The following SIRPG variants were observed in gnomAD, a reference collection of about 807,000 sequenced individuals.
The protein encoded by SIRPG is signal-regulatory protein gamma.
A neutral mutation model predicts 35.7 loss-of-function variants in SIRPG; 38 were observed. The observed-to-expected ratio is 1.06, with a 90% CI of 0.82 to 1.40. The LOEUF (loss-of-function observed/expected upper bound fraction) is 1.40, where lower values mean the gene tolerates loss of function less well. Among genes scored for constraint, SIRPG ranks in the 40% most tolerant of loss-of-function variants. The pLI, the probability that SIRPG is intolerant of heterozygous loss-of-function variation, is 0.00. For missense variants in SIRPG, 519 were observed against 483.0 expected, an observed-to-expected ratio of 1.07 and a Z score of -0.70; for synonymous variants, 215 against 190.4, an observed-to-expected ratio of 1.13 and a Z score of -1.06.
the SIRPG span, chr20:1,666,555 A>C: frequency 6.6e-6 from 1 of 152,248 alleles, no homozygotes; most frequent in Non-Finnish European, 1.5e-5. Context: ...GAGCAGGTGA[A>C]AACTGTCATA....
intron 3 of SIRPG, among the ~76,000 whole-genome samples, chr20:1,635,884 G>A (rs140134011): frequency 0.01 from 1,582 of 152,280 alleles, 32 homozygotes; most frequent in African/African-American, 0.035. Context: ...AAGAACTGTA[G>A]CAAAATCAGT....
At chr20:1,667,310 A>G in the SIRPG span, among the ~76,000 whole-genome samples, 1 of 152,216 alleles carries the variant, frequency 6.6e-6, no homozygotes, top group Non-Finnish European at 1.5e-5. Flanking sequence ...CATATGGCCT[A>G]GGTGTGTAGT....
chr20:1,640,989 T>C (rs369154448), intron 2 of SIRPG, among the ~76,000 whole-genome samples: 1 of 152,210 alleles, frequency 6.6e-6, no homozygotes, highest in Non-Finnish European at 1.5e-5. Context: ...AACTTTTTGA[T>C]GTGCTGCGGG....
intron 2 of SIRPG, among the ~76,000 whole-genome samples, chr20:1,645,839 T>A (rs2091893829): frequency 6.6e-6 from 1 of 152,088 alleles, no homozygotes; most frequent in Admixed American, 6.5e-5. Context: ...TCTGTGCACA[T>A]CCTCTCCGAT....
the SIRPG span, among the ~76,000 whole-genome samples, chr20:1,674,565 C>T: frequency 6.6e-6 from 1 of 152,214 alleles, no homozygotes; most frequent in Non-Finnish European, 1.5e-5. Flanking sequence ...GGCAGTTGGG[C>T]TCCTGCCTGC....
the SIRPG span, among the ~76,000 whole-genome samples, chr20:1,671,798 T>C: frequency 6.6e-6 from 1 of 152,222 alleles, no homozygotes; most frequent in Non-Finnish European, 1.5e-5. Flanking sequence ...AGCAGGAGCA[T>C]GTCCTTAAGG....
At chr20:1,680,014 C>T in the SIRPG span, among the ~76,000 whole-genome samples, 2 of 152,196 alleles carry the variant, frequency 1.3e-5, no homozygotes, top group Non-Finnish European at 2.9e-5. Flanking sequence ...TTGATAACAA[C>T]ATCTTTAAAA....
intron 2 of SIRPG, among the ~76,000 whole-genome samples, chr20:1,638,794 T>TG (rs2091825877): frequency 8.4e-6 from 1 of 118,534 alleles, no homozygotes; most frequent in African/African-American, 3.2e-5. Flanking sequence ...TGACTGGCCC[T>TG]GGTGTGTGTT....
the SIRPG span, among the ~76,000 whole-genome samples, chr20:1,671,395 C>T: frequency 1.6e-4 from 25 of 152,258 alleles, 1 homozygote; most frequent in South Asian, 5.0e-3. Flanking sequence ...GTTCAAAGTT[C>T]TCCTCTCTAA....
At chr20:1,684,391 CTT>C in the SIRPG span, among the ~76,000 whole-genome samples, 1 of 111,800 alleles carries the variant, frequency 8.9e-6, no homozygotes, top group African/African-American at 3.5e-5. Flanking sequence ...CTTATAGTCA[CTT>C]ATACACACAT....
At chr20:1,683,409 G>A in the SIRPG span, among the ~76,000 whole-genome samples, 1 of 152,132 alleles carries the variant, frequency 6.6e-6, no homozygotes, top group Non-Finnish European at 1.5e-5. Context: ...TATATCCAAA[G>A]GAAGTAACAT....
chr20:1,672,385 A>G, the SIRPG span, among the ~76,000 whole-genome samples: 4 of 152,228 alleles, frequency 2.6e-5, no homozygotes, highest in Non-Finnish European at 5.9e-5. Context: ...AATTAAGGCT[A>G]AAGCTTTAAC....
At chr20:1,638,203 G>T (rs138175853) in intron 2 of SIRPG, among the ~76,000 whole-genome samples, 25 of 152,102 alleles carry the variant, frequency 1.6e-4, no homozygotes, top group Admixed American at 3.3e-4. Context: ...GGGGGTCCTC[G>T]TGTGAGTCCC....
intron 2 of SIRPG, chr20:1,646,874 T>G (rs531513106): frequency 6.6e-6 from 1 of 152,350 alleles, no homozygotes; most frequent in Admixed American, 6.5e-5. Flanking sequence ...CTTGAACTCC[T>G]GACCTCAGGT....
At chr20:1,669,477 G>A in the SIRPG span, among the ~76,000 whole-genome samples, 4 of 152,212 alleles carry the variant, frequency 2.6e-5, no homozygotes, top group Non-Finnish European at 4.4e-5. Context: ...CAGGGGGCCT[G>A]GTCCAGTCTT....
chr20:1,663,262 G>C, the SIRPG span, among the ~76,000 whole-genome samples: 4 of 152,170 alleles, frequency 2.6e-5, no homozygotes, highest in Non-Finnish European at 5.9e-5. Flanking sequence ...GCAGTCAGCC[G>C]AGATCGTGCC....
At chr20:1,649,504 G>A in intron 1 of SIRPG, 96 bp from the exon 2 acceptor site, 2 of 1,124,326 alleles carry the variant, frequency 1.8e-6, no homozygotes, top group South Asian at 1.5e-5. Context: ...GTGCACATCA[G>A]GAATCAGGAG....
At chr20:1,663,949 G>A in the SIRPG span, among the ~76,000 whole-genome samples, 1 of 152,212 alleles carries the variant, frequency 6.6e-6, no homozygotes, top group African/African-American at 2.4e-5. Context: ...TTGGCTTGTG[G>A]TTCTGCAGAC....
rs531164997 is a variant in SIRPG, at chr20:1,630,447, C to T, written c.1082-141G>A. On this transcript the variant is annotated intron_variant, in intron 4 of 5. Transcript: ENST00000303415. ...CTGCATCCTGCCCAGGCTATCTTCA[C>T]TCCAGCACAAGGCAGAAGCCACAGA... 2.2e-5 allele frequency: 14 copies of T among 638,440 alleles called. No individual in the cohort carries two copies. In the Admixed American group the frequency reaches 3.6e-4, roughly 17 times the overall value. The allele number at this position is 638,440 out of a possible 1,614,324, so 39.5% of individuals were successfully genotyped here.
Sources: gnomAD v4.1 joint callset for allele counts (sites outside exome capture counted in the v4.1 genomes callset) on GRCh38, gnomAD v4.1.1 for gene constraint, MANE v1.5 for transcripts, NCBI Gene and HGNC (gene_info 2026-07-23, HGNC 2026-07-21) for gene names.